The following NELFCD variants were observed in gnomAD, a reference collection of about 807,000 sequenced individuals.
NELFCD encodes negative elongation factor complex member C/D, also known as negative elongation factor C/D.
NELFCD carries 48 observed loss-of-function variants against 72.9 expected under a neutral mutation model. The ratio of observed to expected loss-of-function variants is 0.66; its 90% CI spans 0.52 to 0.84. NELFCD has a LOEUF of 0.84. Among genes scored for constraint, NELFCD ranks in the 40% least tolerant of loss-of-function variants. The probability of loss-of-function intolerance (pLI) is 0.00; values close to 1 mark genes in which losing one functional copy is unlikely to be tolerated. For synonymous variants in NELFCD, 297 were observed against 280.6 expected, an observed-to-expected ratio of 1.06 and a Z score of -0.59; for missense variants, 538 against 723.8, an observed-to-expected ratio of 0.74 and a Z score of 2.94.
In NELFCD at chr20:58,986,001, T is replaced by G; in HGVS notation, c.61-92T>G. On this transcript the variant is annotated intron_variant, in intron 1 of 14. Coordinates refer to ENST00000652272, the MANE Select transcript of NELFCD (RefSeq NM_198976.4). The surrounding 1 kb of genome is among the most constrained non-coding windows in gnomAD (Gnocchi z 4.4). ...AAATGAAATAATGTGTGTAGAATACTTTCAAAATGGGCAGCATTATACGAT... is the reference window on the plus strand; with the variant it reads ...AAATGAAATAATGTGTGTAGAATACGTTCAAAATGGGCAGCATTATACGAT... 1 of 865,810 alleles carries G rather than the reference T, an allele frequency of 1.2e-6. No individual in the cohort carries two copies. The highest frequency in any genetic ancestry group is 1.4e-5 in the South Asian group (1 of 73,366). The allele number at this position is 865,810 out of a possible 1,614,324, so 53.6% of individuals were successfully genotyped here. A position where few individuals can be genotyped will look rare whatever the true frequency, so the allele number is the denominator to read the frequency against.
intron 14 of NELFCD, 36 bp from the exon 15 acceptor site, chr20:58,994,603 TTCC>T (rs1157382588): frequency 1.0e-5 from 15 of 1,466,232 alleles, no homozygotes; most frequent in Non-Finnish European, 1.4e-5. Context: ...CATGTTCTAC[TTCC>T]TGTTTCTAAC....
chr20:58,983,804 A>T (rs1198587320), intron 1 of NELFCD, among the ~76,000 whole-genome samples: 1 of 152,106 alleles, frequency 6.6e-6, no homozygotes, highest in East Asian at 1.9e-4. Flanking sequence ...CACTTTATAG[A>T]CCAAGCACGT....
In NELFCD at chr20:58,989,581, C is replaced by A; in HGVS notation, c.598C>A (p.Leu200Ile). The A allele has an allele frequency of 6.2e-7, 1 of 1,614,198 alleles. No individual in the cohort carries two copies. Among genetic ancestry groups the A allele is most frequent in the Non-Finnish European group, 8.5e-7 (1 of 1,180,028 alleles). The change falls in exon 6 of 15, where the codon CTA becomes ATA. Residue 200 changes from leucine (L) to isoleucine (I), a missense_variant. Coordinates refer to ENST00000652272, the MANE Select transcript of NELFCD (RefSeq NM_198976.4). ...EVFSRVLRTS[L>I]ATILDGGEEN... is the part of the protein sequence containing the mutation. ...GTTCTCGAGAGTGCTCCGGACCTCT[C>A]TAGCTACAATTTTAGATGGAGGAGA...
At chr20:58,989,439 G>A in intron 5 of NELFCD, 49 bp from the exon 6 acceptor site, 1 of 1,603,066 alleles carries the variant, frequency 6.2e-7, no homozygotes, top group Non-Finnish European at 8.5e-7. Flanking sequence ...TTCCCGTGGA[G>A]GTGCGGTCAC....
At position 58,993,648 on chromosome 20, in the gene NELFCD, GACAGGATGGTTC is replaced by G; in HGVS notation, c.1468_1479del (p.Arg490_His493del). The G allele has an allele frequency of 6.2e-7, 1 of 1,614,228 alleles. No homozygotes were observed. Among genetic ancestry groups the G allele is most frequent in the Non-Finnish European group, 8.5e-7 (1 of 1,180,044 alleles). On this transcript the variant is annotated inframe_deletion, in exon 13 of 15. Transcript: ENST00000652272. This position sits in a 1 kb window ranked among gnomAD's most constrained non-coding sequence, Gnocchi z 5.0. ...GCTTGAGTTGAAGAAGACACTGCTGGACAGGATGGTTCACCTGCTGAGTCGAGGTTATGTACT... is the reference window on the plus strand; with the variant it reads ...GCTTGAGTTGAAGAAGACACTGCTGGACCTGCTGAGTCGAGGTTATGTACT...
chr20:58,991,291 T>G, intron 8 of NELFCD, 21 bp from the exon 9 acceptor site: 1 of 1,613,932 alleles, frequency 6.2e-7, no homozygotes, highest in Admixed American at 1.7e-5. Flanking sequence ...CATCCCGAAC[T>G]GGGCATATGC....
At position 58,991,777 on chromosome 20, in the gene NELFCD, T is replaced by C. The variant is rs2273361; in HGVS notation, c.1090-104T>C. 1,499 of 1,354,986 alleles carry C rather than the reference T, an allele frequency of 1.1e-3. 34 individuals are homozygous for C. The East Asian group carries it at 0.028, about 25-fold the overall frequency. 83.9% of individuals were successfully genotyped at this position (1,354,986 alleles called of 1,614,324 possible). Reference sequence around the variant, plus strand: ...CAGCTGAATTGACTCCCAACTTAAGTAGAAATAGGGAAAGTGCTTTGCAAG... The same window carrying C: ...CAGCTGAATTGACTCCCAACTTAAGCAGAAATAGGGAAAGTGCTTTGCAAG... On this transcript the variant is annotated intron_variant, in intron 9 of 14. Transcript: ENST00000652272.
intron 14 of NELFCD, 31 bp from the exon 15 acceptor site, chr20:58,994,611 T>C (rs1046129700): frequency 2.6e-6 from 4 of 1,566,218 alleles, no homozygotes; most frequent in East Asian, 2.2e-5. Context: ...ACTTCCTGTT[T>C]CTAACACAGT....
At chr20:58,989,126 G>T in intron 5 of NELFCD, 105 bp downstream of exon 5, 1 of 803,006 alleles carries the variant, frequency 1.2e-6, no homozygotes, top group South Asian at 1.6e-5. Context: ...TTCCATAAAG[G>T]TCTTTATTGT....
At chr20:58,990,873 C>G in intron 7 of NELFCD, 37 bp from the exon 8 acceptor site, 1 of 1,566,150 alleles carries the variant, frequency 6.4e-7, no homozygotes, top group Non-Finnish European at 8.7e-7. Context: ...AAGAAGCTGC[C>G]TTGTTAGTAA....
In NELFCD at chr20:58,994,892, C is replaced by A; in HGVS notation, c.*216C>A. The A allele has an allele frequency of 1.8e-6, 1 of 557,066 alleles. No homozygotes were observed. The allele number at this position is 557,066 out of a possible 1,614,324, so 34.5% of individuals were successfully genotyped here. A position where few individuals can be genotyped will look rare whatever the true frequency, so the allele number is the denominator to read the frequency against. ...CTCTGCTGTCAATCCAATACTGCTCCCAAATCCTGTTTTCAGTGTTCATTT... is the reference window on the plus strand; with the variant it reads ...CTCTGCTGTCAATCCAATACTGCTCACAAATCCTGTTTTCAGTGTTCATTT... On this transcript the variant is annotated 3_prime_UTR_variant, in exon 15 of 15. Transcript: ENST00000652272.
In NELFCD at chr20:58,991,875, T is replaced by G. The variant is rs2146354967; in HGVS notation, c.1090-6T>G. The G allele has an allele frequency of 1.2e-6, 2 of 1,613,754 alleles. No individual in the cohort carries two copies. Among genetic ancestry groups the G allele is most frequent in the East Asian group, 2.2e-5 (1 of 44,870 alleles). On this transcript the variant is annotated splice_region_variant and splice_polypyrimidine_tract_variant and intron_variant, in intron 9 of 14. Transcript: ENST00000652272. ...CAGGCTCACCAGCTTGTGTGTGTGT[T>G]TTCAGAACAAGCGAGTGAGCATCAA...
intron 4 of NELFCD, 96 bp downstream of exon 4, chr20:58,987,913 C>T: frequency 1.1e-6 from 1 of 876,402 alleles, no homozygotes; most frequent in Non-Finnish European, 1.9e-6. Flanking sequence ...TAAGTAATGG[C>T]AGAGTTGAGG....
At chr20:58,988,084 A>G (rs1601213676) in intron 4 of NELFCD, 5 of 444,486 alleles carry the variant, frequency 1.1e-5, no homozygotes, top group South Asian at 1.0e-4. Context: ...GGCTGACTCC[A>G]GGGCACAGCC....
Position 58,991,047 on chromosome 20 carries a change from C to T in NELFCD, c.926C>T (p.Thr309Ile), listed in dbSNP as rs1601216753. Reference sequence around the variant, plus strand: ...ATCACCGTCCTGTTCAAGATGTTCACAAGCATGGACCCTCCTCCGGTTGAA... The same window carrying T: ...ATCACCGTCCTGTTCAAGATGTTCATAAGCATGGACCCTCCTCCGGTTGAA... ...ADITVLFKMF[T>I]SMDPPPVELI... Residue 309 changes from threonine (T) to isoleucine (I), a missense_variant, in exon 8 of 15, where the codon ACA becomes ATA. Around this residue, in one of 3 missense-constraint regions of NELFCD, gnomAD observed 355 missense variants for 534.5 expected, o/e 0.66. Transcript: ENST00000652272. 3.1e-6 allele frequency: 5 copies of T among 1,614,080 alleles called. No individual in the cohort carries two copies. The highest frequency in any genetic ancestry group is 4.2e-6 in the Non-Finnish European group (5 of 1,179,962).
chr20:58,981,745 G>C (rs2091734747), intron 1 of NELFCD, among the ~76,000 whole-genome samples: 1 of 152,150 alleles, frequency 6.6e-6, no homozygotes, highest in Non-Finnish European at 1.5e-5. Flanking sequence ...GTTGGGTCCG[G>C]AGCTCACAGA....
intron 1 of NELFCD, among the ~76,000 whole-genome samples, chr20:58,982,174 G>A (rs78971279): frequency 1.2e-5 from 1 of 86,182 alleles, no homozygotes; most frequent in Admixed American, 1.4e-4. Context: ...TTTTTTTTTT[G>A]TGGTGGAGTT....
chr20:58,986,335 G>T lies in NELFCD; in HGVS notation c.176+127G>T, dbSNP rs1343244257. 1 of 636,792 alleles carries T rather than the reference G, an allele frequency of 1.6e-6. No homozygotes were observed. 39.4% of individuals were successfully genotyped at this position (636,792 alleles called of 1,614,324 possible). A position where few individuals can be genotyped will look rare whatever the true frequency, so the allele number is the denominator to read the frequency against. ...ACTGAACTAAAGGCTTCAAGGGGGG[G>T]TCCCCTCTGCCACTTTTTTTTTTTT... On this transcript the variant is annotated intron_variant, in intron 2 of 14. Coordinates refer to ENST00000652272, the MANE Select transcript of NELFCD (RefSeq NM_198976.4). The surrounding 1 kb of genome is among the most constrained non-coding windows in gnomAD (Gnocchi z 4.4).
In NELFCD at chr20:58,990,919, C is replaced by T. The variant is rs147821977; in HGVS notation, c.798C>T (p.Asp266=). 5.3e-5 allele frequency: 85 copies of T among 1,613,634 alleles called. 1 individual carries two copies. The Middle Eastern group carries it at 8.3e-4, about 16-fold the overall frequency. The change falls in exon 8 of 15, where the codon GAC becomes GAT. Residue 266 remains aspartate (D), a synonymous_variant. Coordinates refer to ENST00000652272, the MANE Select transcript of NELFCD (RefSeq NM_198976.4). ...VQRFAQEKGH[D]ASQITLALGT... ...GGTTTTTCTCATCAAGAGGTCATGA[C>T]GCCAGTCAGATCACACTAGCCTTGG...
Sources: gnomAD v4.1 joint callset for allele counts (sites outside exome capture counted in the v4.1 genomes callset) on GRCh38, gnomAD v4.1.1 for gene constraint, gnomAD v4.1.1 regional missense constraint, Gnocchi (gnomAD v3.1) non-coding constraint, MANE v1.5 for transcripts, NCBI Gene and HGNC (gene_info 2026-07-23, HGNC 2026-07-21) for gene names.